Variants in CCDC192 observed in about 807,000 individuals in gnomAD.
The protein encoded by CCDC192 is coiled-coil domain-containing protein 192.
In CCDC192 at chr5:127,741,439, G is replaced by A. The variant is rs891151617; in HGVS notation, c.115-12829G>A. Among the ~76,000 whole-genome samples, 4 of 152,152 alleles carry A rather than the reference G, an allele frequency of 2.6e-5. No individual in the cohort carries two copies. In the South Asian group the frequency reaches 6.2e-4, roughly 24 times the overall value. The stretch of plus-strand genomic sequence containing the variant: ...TCTAAACAAGGATTGCTTAATGTGG[G>A]CTACATGAATGATATTGAGAAGAGT... On this transcript the variant is annotated intron_variant, in intron 2 of 6. Transcript: ENST00000514853.
At chr5:127,937,735 C>T (rs1417002686) in intron 6 of CCDC192, among the ~76,000 whole-genome samples, 1 of 152,242 alleles carries the variant, frequency 6.6e-6, no homozygotes, top group African/African-American at 2.4e-5. Flanking sequence ...GTCCTAGTGA[C>T]CGTGACTGCC....
chr5:127,864,960 A>G (rs1751541253), intron 5 of CCDC192, among the ~76,000 whole-genome samples: 1 of 152,194 alleles, frequency 6.6e-6, no homozygotes, highest in Non-Finnish European at 1.5e-5. Flanking sequence ...ATCCTGGCTA[A>G]CATGGTGAAA....
intron 6 of CCDC192, among the ~76,000 whole-genome samples, chr5:127,908,750 A>T (rs1237580999): frequency 1.3e-5 from 2 of 152,126 alleles, no homozygotes; most frequent in African/African-American, 4.8e-5. Context: ...GCTGAGGGTT[A>T]CTCCTCAGGG....
At chr5:127,731,115 T>G (rs1056632883) in intron 2 of CCDC192, among the ~76,000 whole-genome samples, 4 of 151,984 alleles carry the variant, frequency 2.6e-5, no homozygotes, top group African/African-American at 7.2e-5. Context: ...TCTAGAAAAT[T>G]CCACCATCTC....
chr5:127,928,587 G>A (rs186823825), intron 6 of CCDC192, among the ~76,000 whole-genome samples: 44 of 152,192 alleles, frequency 2.9e-4, no homozygotes, highest in African/African-American at 1.1e-3. Flanking sequence ...CAAAGGTTTC[G>A]GGGATATCTT....
At chr5:127,777,033 A>G (rs571773154) in intron 3 of CCDC192, among the ~76,000 whole-genome samples, 2 of 152,304 alleles carry the variant, frequency 1.3e-5, no homozygotes, top group East Asian at 1.9e-4. Flanking sequence ...TCACTGGGGC[A>G]CTGCCTAGTG....
intron 6 of CCDC192, among the ~76,000 whole-genome samples, chr5:127,919,970 G>A (rs774586977): frequency 3.3e-5 from 5 of 152,164 alleles, no homozygotes; most frequent in Non-Finnish European, 5.9e-5. Context: ...ACTTTCTGTG[G>A]CACATCATTA....
chr5:127,747,610 G>C (rs1215672815), intron 2 of CCDC192, among the ~76,000 whole-genome samples: 1 of 151,948 alleles, frequency 6.6e-6, no homozygotes, highest in Non-Finnish European at 1.5e-5. Flanking sequence ...ATAGTCCTTT[G>C]GGTATATACC....
At chr5:127,860,942 T>C (rs1445696590) in intron 5 of CCDC192, among the ~76,000 whole-genome samples, 4 of 152,212 alleles carry the variant, frequency 2.6e-5, no homozygotes, top group Admixed American at 2.6e-4. Context: ...ATAGCATGTG[T>C]ATTTGTGTGT....
At chr5:127,757,798 ACT>A (rs112955117) in intron 3 of CCDC192, among the ~76,000 whole-genome samples, 61,577 of 114,918 alleles carry the variant, frequency 0.54, 15,721 homozygotes, top group Admixed American at 0.66. Context: ...ACACACACAC[ACT>A]CTCTCTCTCT....
chr5:127,739,346 G>A (rs201691489), intron 2 of CCDC192, among the ~76,000 whole-genome samples: 8,363 of 152,138 alleles, frequency 0.055, 528 homozygotes, highest in East Asian at 0.27. Context: ...TGTCAGACAG[G>A]GACATTTAAG....
chr5:127,774,978 A>T (rs1051921198), intron 3 of CCDC192, among the ~76,000 whole-genome samples: 4 of 152,166 alleles, frequency 2.6e-5, no homozygotes, highest in Non-Finnish European at 5.9e-5. Context: ...TTCCTTGGTT[A>T]AATTTATTCC....
At chr5:127,806,147 T>C (rs1047564497) in intron 5 of CCDC192, among the ~76,000 whole-genome samples, 2 of 152,176 alleles carry the variant, frequency 1.3e-5, no homozygotes, top group Non-Finnish European at 2.9e-5. Flanking sequence ...GGATATTATC[T>C]TTTCTTTTCC....
intron 5 of CCDC192, 79 bp downstream of exon 5, chr5:127,798,241 T>G: frequency 2.5e-6 from 1 of 396,512 alleles, no homozygotes; most frequent in South Asian, 1.3e-4. Context: ...GGAAAGAAGT[T>G]ATAAATGAGT....
chr5:127,756,112 G>A (rs946914874), intron 3 of CCDC192, among the ~76,000 whole-genome samples: 3 of 151,220 alleles, frequency 2.0e-5, no homozygotes, highest in African/African-American at 7.3e-5. Context: ...CAGCCTGGGC[G>A]ACAGAGCCAG....
At chr5:127,810,653 A>G (rs367763484) in intron 5 of CCDC192, among the ~76,000 whole-genome samples, 4 of 152,338 alleles carry the variant, frequency 2.6e-5, no homozygotes, top group African/African-American at 4.8e-5. Flanking sequence ...CCAGCACTCA[A>G]TGGAAGCAGC....
At chr5:127,731,841 T>C (rs1376114567) in intron 2 of CCDC192, among the ~76,000 whole-genome samples, 1 of 152,150 alleles carries the variant, frequency 6.6e-6, no homozygotes, top group Non-Finnish European at 1.5e-5. Flanking sequence ...CCTTATACCA[T>C]ATACAAAAAT....
intron 3 of CCDC192, among the ~76,000 whole-genome samples, chr5:127,789,977 G>C (rs1032904758): frequency 2.0e-5 from 3 of 152,180 alleles, no homozygotes; most frequent in African/African-American, 7.2e-5. Flanking sequence ...ACAGAACCCT[G>C]GGGGAGAGAT....
intron 6 of CCDC192, among the ~76,000 whole-genome samples, chr5:127,910,952 T>C (rs1404133421): frequency 6.7e-6 from 1 of 148,640 alleles, no homozygotes; most frequent in Non-Finnish European, 1.5e-5. Flanking sequence ...TTATTAGACA[T>C]AAAAAAAAAA....
Sources: allele counts gnomAD v4.1 joint callset (sites outside exome capture counted in the v4.1 genomes callset), GRCh38; gene constraint gnomAD v4.1.1; transcripts MANE v1.5; gene names NCBI Gene and HGNC (gene_info 2026-07-23, HGNC 2026-07-21).